The following PLEKHA5 variants were observed in gnomAD, a reference collection of about 807,000 sequenced individuals.
PLEKHA5 encodes the protein pleckstrin homology domain containing A5.
Under a neutral mutation model 181.9 loss-of-function variants are expected in PLEKHA5, and 55 were observed. The ratio of observed to expected loss-of-function variants is 0.30; its 90% confidence interval spans 0.24 to 0.38. PLEKHA5 has a LOEUF of 0.38. PLEKHA5 is among the 10% of genes least tolerant of loss of function. The pLI, the probability that PLEKHA5 is intolerant of heterozygous loss-of-function variation, is 1.00. For missense variants in PLEKHA5, 1,432 were observed against 1,549.5 expected, an observed-to-expected ratio of 0.92 and a Z score of 1.27; for synonymous variants, 535 against 529.4, an observed-to-expected ratio of 1.01 and a Z score of -0.15.
At chr12:19,160,115 T>TC (rs1246073863) in intron 3 of PLEKHA5, among the ~76,000 whole-genome samples, 29 of 152,172 alleles carry the variant, frequency 1.9e-4, no homozygotes, top group African/African-American at 7.0e-4. Flanking sequence ...CTGTTAAATC[T>TC]ATTTTTTAGT....
At chr12:19,374,964 G>GATA (rs964977969) in intron 31 of PLEKHA5, among the ~76,000 whole-genome samples, 2 of 151,494 alleles carry the variant, frequency 1.3e-5, no homozygotes, top group Non-Finnish European at 1.5e-5. Context: ...CCAAAATGAT[G>GATA]ATAATAATAA....
At chr12:19,144,516 G>T in intron 3 of PLEKHA5, among the ~76,000 whole-genome samples, 1 of 152,166 alleles carries the variant, frequency 6.6e-6, no homozygotes, top group East Asian at 1.9e-4. Flanking sequence ...TTTCCCATGT[G>T]GTCCTGGTTG....
chr12:19,246,728 T>TA (rs1457770531), intron 3 of PLEKHA5, among the ~76,000 whole-genome samples: 3 of 152,050 alleles, frequency 2.0e-5, no homozygotes, highest in African/African-American at 4.8e-5. Context: ...AGATATCAGA[T>TA]AAAAAAAGAT....
chr12:19,337,339 G>A (rs542724901), intron 21 of PLEKHA5, among the ~76,000 whole-genome samples: 1 of 152,112 alleles, frequency 6.6e-6, no homozygotes, highest in African/African-American at 2.4e-5. Flanking sequence ...GATCACCTGA[G>A]GTCAGGAGTT....
chr12:19,364,482 GCC>G, intron 29 of PLEKHA5, among the ~76,000 whole-genome samples: 1 of 152,088 alleles, frequency 6.6e-6, no homozygotes, highest in African/African-American at 2.4e-5. Context: ...CTGTACTCCA[GCC>G]TGGGCGACAG....
At chr12:19,180,794 GTT>G (rs5796792) in intron 3 of PLEKHA5, among the ~76,000 whole-genome samples, 99 of 145,250 alleles carry the variant, frequency 6.8e-4, no homozygotes, top group South Asian at 1.1e-3. Flanking sequence ...AAAATATAGT[GTT>G]TTTTTTTTTT....
At chr12:19,354,078 G>A in intron 26 of PLEKHA5, 76 bp downstream of exon 26, 1 of 458,234 alleles carries the variant, frequency 2.2e-6, no homozygotes, top group Non-Finnish European at 3.9e-6. Flanking sequence ...TTCATTTTCA[G>A]TGTCTTATCA....
intron 15 of PLEKHA5, among the ~76,000 whole-genome samples, chr12:19,310,609 C>CAAAA (rs5796796): frequency 6.8e-4 from 76 of 111,910 alleles, no homozygotes; most frequent in African/African-American, 2.3e-3. Flanking sequence ...GACTCCCTCT[C>CAAAA]AAAAAAAAAA....
chr12:19,361,579 C>T lies in PLEKHA5; in HGVS notation c.3484-3C>T, dbSNP rs1391121579. On this transcript the variant is annotated splice_polypyrimidine_tract_variant and splice_region_variant and intron_variant, in intron 28 of 31. Coordinates refer to ENST00000429027, the MANE Select transcript of PLEKHA5 (RefSeq NM_001256470.2). ...AAAGAAAATTTTTCTTTTTATTCTA[C>T]AGTTAAAAAAAACTGAAAACATTTC... 2.1e-6 allele frequency: 3 copies of T among 1,412,462 alleles called. No individual in the cohort carries two copies. Among genetic ancestry groups the T allele is most frequent in the East Asian group, 2.3e-5 (1 of 43,660 alleles). The allele number at this position is 1,412,462 out of a possible 1,614,324, so 87.5% of individuals were successfully genotyped here.
At chr12:19,323,815 C>CAA (rs376204923) in intron 20 of PLEKHA5, among the ~76,000 whole-genome samples, 2 of 116,008 alleles carry the variant, frequency 1.7e-5, no homozygotes, top group Non-Finnish European at 1.8e-5. Flanking sequence ...GACTCTGTTT[C>CAA]AAAAAAAAAA....
intron 3 of PLEKHA5, among the ~76,000 whole-genome samples, chr12:19,177,636 T>C (rs117293627): frequency 0.021 from 3,274 of 152,310 alleles, 59 homozygotes; most frequent in East Asian, 0.051. Context: ...ATAATAATTT[T>C]AAAGCACACC....
intron 3 of PLEKHA5, chr12:19,200,917 AAG>A (rs60150181): frequency 0.094 from 14,367 of 153,232 alleles, 936 homozygotes; most frequent in African/African-American, 0.19. Context: ...TTTTAGAAAA[AAG>A]AGATTATTTG....
chr12:19,303,955 A>G (rs1441226353), intron 15 of PLEKHA5, among the ~76,000 whole-genome samples: 1 of 151,078 alleles, frequency 6.6e-6, no homozygotes, highest in Admixed American at 6.6e-5. Context: ...AACTGGGACC[A>G]CAGGCCTGCA....
At chr12:19,229,650 G>T (rs542472312) in intron 3 of PLEKHA5, among the ~76,000 whole-genome samples, 1 of 152,100 alleles carries the variant, frequency 6.6e-6, no homozygotes, top group South Asian at 2.1e-4. Flanking sequence ...AAGATATATC[G>T]CAAAGAGCGA....
intron 3 of PLEKHA5, among the ~76,000 whole-genome samples, chr12:19,185,263 C>T (rs950322105): frequency 6.6e-6 from 1 of 152,048 alleles, no homozygotes; most frequent in African/African-American, 2.4e-5. Flanking sequence ...TTATTCAGTA[C>T]TTGTTATTAT....
intron 3 of PLEKHA5, among the ~76,000 whole-genome samples, chr12:19,144,557 G>A (rs2151186214): frequency 6.6e-6 from 1 of 152,328 alleles, no homozygotes. Flanking sequence ...TGGGAGGAGA[G>A]CTACATAGGA....
At chr12:19,303,738 A>C (rs2082260083) in intron 15 of PLEKHA5, 2 of 151,126 alleles carry the variant, frequency 1.3e-5, no homozygotes, top group Admixed American at 1.3e-4. Flanking sequence ...GTGAATAAGC[A>C]CTGCACTCAA....
At chr12:19,276,431 C>G (rs942581826) in intron 11 of PLEKHA5, among the ~76,000 whole-genome samples, 27 of 152,156 alleles carry the variant, frequency 1.8e-4, no homozygotes, top group Non-Finnish European at 8.8e-5. Flanking sequence ...TGGCTTGAGT[C>G]TGTAATCCCA....
chr12:19,161,515 C>T (rs1291895345), intron 3 of PLEKHA5, among the ~76,000 whole-genome samples: 4 of 152,212 alleles, frequency 2.6e-5, no homozygotes, highest in Admixed American at 6.5e-5. Flanking sequence ...ACCCCATCTC[C>T]GTGTCTCCAC....
Sources: gnomAD v4.1 joint callset for allele counts (sites outside exome capture counted in the v4.1 genomes callset) on GRCh38, gnomAD v4.1.1 for gene constraint, MANE v1.5 for transcripts, NCBI Gene and HGNC (gene_info 2026-07-23, HGNC 2026-07-21) for gene names.